Variants in PPFIBP1 observed in about 807,000 individuals in gnomAD.
PPFIBP1 encodes PPFIB scaffold protein 1.
PPFIBP1 carries 112 observed loss-of-function variants against 137.8 expected under a neutral mutation model. The observed-to-expected ratio is 0.81, with a 90% CI of 0.70 to 0.95. The LOEUF (loss-of-function observed/expected upper bound fraction) is 0.95. Among genes scored for constraint, PPFIBP1 ranks in the 40% least tolerant of loss-of-function variants. The pLI is 0.00. For missense variants in PPFIBP1, 1,083 were observed against 1,196.6 expected (o/e 0.91, Z 1.40); for synonymous variants, 378 against 417.3 (o/e 0.91, Z 1.15).
chr12:27,600,532 G>A (rs1047983014), intron 2 of PPFIBP1, among the ~76,000 whole-genome samples: 10 of 151,300 alleles, frequency 6.6e-5, no homozygotes, highest in African/African-American at 1.9e-4. Flanking sequence ...TCAAGTCTTA[G>A]CATTTTGCCA....
intron 1 of PPFIBP1, among the ~76,000 whole-genome samples, chr12:27,544,803 A>G (rs1592356938): frequency 6.6e-6 from 1 of 152,212 alleles, no homozygotes; most frequent in East Asian, 1.9e-4. Flanking sequence ...AAATTAGTTC[A>G]ACCATTGTGG....
chr12:27,554,939 C>A (rs2048593011), intron 1 of PPFIBP1, among the ~76,000 whole-genome samples: 1 of 151,830 alleles, frequency 6.6e-6, no homozygotes, highest in Non-Finnish European at 1.5e-5. Context: ...GGAGACAGGG[C>A]TGCTATTATA....
At chr12:27,675,860 G>T (rs1349361989) in intron 17 of PPFIBP1, among the ~76,000 whole-genome samples, 2 of 152,100 alleles carry the variant, frequency 1.3e-5, no homozygotes, top group Admixed American at 6.5e-5. Flanking sequence ...TCAAAATAAA[G>T]TTGCTCACTG....
intron 1 of PPFIBP1, among the ~76,000 whole-genome samples, chr12:27,531,889 AT>A (rs1944467427): frequency 6.6e-6 from 1 of 152,170 alleles, no homozygotes; most frequent in African/African-American, 2.4e-5. Context: ...GGATGTCCTT[AT>A]AAAAATTTTA....
At chr12:27,612,412 C>T (rs2055237021) in intron 2 of PPFIBP1, among the ~76,000 whole-genome samples, 1 of 146,498 alleles carries the variant, frequency 6.8e-6, no homozygotes, top group Non-Finnish European at 1.5e-5. Context: ...CAGCTCACTG[C>T]AGCCTCAACC....
intron 1 of PPFIBP1, among the ~76,000 whole-genome samples, chr12:27,546,235 C>T (rs1013515667): frequency 2.0e-5 from 3 of 152,156 alleles, no homozygotes; most frequent in Non-Finnish European, 4.4e-5. Context: ...ATCTGGCACT[C>T]TGATCCCTAC....
At chr12:27,641,844 G>A (rs966562750) in intron 4 of PPFIBP1, among the ~76,000 whole-genome samples, 2 of 152,066 alleles carry the variant, frequency 1.3e-5, no homozygotes, top group Admixed American at 1.3e-4. Context: ...GACAATGATC[G>A]GGATATAAAC....
rs752501715 is a variant in PPFIBP1 at position 27,681,583 on chromosome 12, C to T, written c.1933C>T (p.Gln645Ter). 1 of 1,614,060 alleles carries T rather than the reference C, an allele frequency of 6.2e-7. No homozygotes were observed. The change falls in exon 22 of 30, where the codon CAG (glutamine) becomes TAG (stop). Residue 645 changes from glutamine (Q) to a stop codon, truncating the protein, a stop_gained. Transcript: ENST00000228425. LOFTEE classifies it high-confidence loss of function. ...GCCATTTGCCAAGTGGACCAAGGAG[C>T]AGGTTTGCAATTGGCTGATGGAACA... is the stretch of plus-strand genomic sequence containing the variant. ...DMPFAKWTKEQVCNWLMEQGL... is the reference protein window; with the variant it reads ...DMPFAKWTKE
intron 4 of PPFIBP1, among the ~76,000 whole-genome samples, chr12:27,644,413 T>A (rs1933416582): frequency 6.6e-6 from 1 of 152,018 alleles, no homozygotes. Flanking sequence ...AAACAGCAGT[T>A]TTTTTCTACT....
At chr12:27,609,303 T>C (rs2054843875) in intron 2 of PPFIBP1, among the ~76,000 whole-genome samples, 1 of 152,190 alleles carries the variant, frequency 6.6e-6, no homozygotes, top group African/African-American at 2.4e-5. Context: ...CCAAACTTGC[T>C]CCTCCTCCAG....
intron 3 of PPFIBP1, among the ~76,000 whole-genome samples, chr12:27,633,801 T>A (rs2139024009): frequency 6.9e-6 from 1 of 144,306 alleles, no homozygotes; most frequent in Admixed American, 6.9e-5. Context: ...TTTTCTTGAA[T>A]TCAAAATTCA....
At chr12:27,571,682 C>T (rs925449140) in intron 1 of PPFIBP1, among the ~76,000 whole-genome samples, 1 of 152,206 alleles carries the variant, frequency 6.6e-6, no homozygotes, top group African/African-American at 2.4e-5. Context: ...GTTCTACCGA[C>T]ATGATAAAGT....
chr12:27,531,251 A>G (rs528602060), intron 1 of PPFIBP1, among the ~76,000 whole-genome samples: 1 of 152,244 alleles, frequency 6.6e-6, no homozygotes, highest in East Asian at 1.9e-4. Context: ...TAGCTCTGAT[A>G]TATGTGCCAT....
intron 1 of PPFIBP1, among the ~76,000 whole-genome samples, chr12:27,541,847 A>G (rs1384575615): frequency 6.6e-6 from 1 of 152,152 alleles, no homozygotes; most frequent in Non-Finnish European, 1.5e-5. Context: ...TTCCGACTCC[A>G]GGGCTGACCT....
At chr12:27,606,896 C>T (rs1228692306) in intron 2 of PPFIBP1, among the ~76,000 whole-genome samples, 17 of 152,198 alleles carry the variant, frequency 1.1e-4, no homozygotes, top group Non-Finnish European at 2.9e-5. Context: ...AGCAGTTACT[C>T]CATCCGTACT....
intron 3 of PPFIBP1, among the ~76,000 whole-genome samples, chr12:27,634,124 C>T (rs991675121): frequency 2.7e-5 from 4 of 150,372 alleles, no homozygotes; most frequent in Admixed American, 2.0e-4. Context: ...CGTGAGCCAC[C>T]GTACCCGGCC....
rs1044414935 is a variant in PPFIBP1, at chr12:27,647,961, A to C, written c.471+119A>C. The C allele has an allele frequency of 4.6e-6, 6 of 1,296,890 alleles. No homozygotes were observed. In the African/African-American group the frequency reaches 6.1e-5, roughly 13 times the overall value. 80.3% of individuals were successfully genotyped at this position (1,296,890 alleles called of 1,614,324 possible). On this transcript the variant is annotated intron_variant, in intron 6 of 29. Transcript: ENST00000228425. The stretch of plus-strand genomic sequence containing the variant: ...AGTTTCTTGATTCATTTAGACCAGC[A>C]CATTAAAAAAAAAAAATTGAGAGTA...
chr12:27,593,967 C>T, intron 2 of PPFIBP1: 1 of 1,422,522 alleles, frequency 7.0e-7, no homozygotes, highest in Non-Finnish European at 9.2e-7. Flanking sequence ...AAATAGCCCA[C>T]AGAGAGGATC....
intron 1 of PPFIBP1, among the ~76,000 whole-genome samples, chr12:27,572,460 A>C (rs1484538213): frequency 6.6e-6 from 1 of 152,256 alleles, no homozygotes; most frequent in East Asian, 1.9e-4. Flanking sequence ...TTAGGATTTT[A>C]CTGTGGAAAA....
Sources: gnomAD v4.1 joint callset for allele counts (sites outside exome capture counted in the v4.1 genomes callset) on GRCh38, gnomAD v4.1.1 for gene constraint, MANE v1.5 for transcripts, NCBI Gene and HGNC (gene_info 2026-07-23, HGNC 2026-07-21) for gene names.